BAZ2B: variants seen among roughly 807,000 people sequenced by gnomAD.
BAZ2B encodes the protein bromodomain adjacent to zinc finger domain 2B, also known as bromodomain adjacent to zinc finger domain protein 2B.
BAZ2B carries 91 observed loss-of-function variants against 246.0 expected under a neutral mutation model. The observed-to-expected ratio is 0.37, with a 90% CI of 0.31 to 0.44. The LOEUF (loss-of-function observed/expected upper bound fraction) is 0.44, where lower values mean the gene tolerates loss of function less well. Ranked by LOEUF, BAZ2B falls within the 20% of genes least tolerant of loss-of-function variation. The probability of loss-of-function intolerance (pLI) is 1.00; values close to 1 mark genes in which losing one functional copy is unlikely to be tolerated. For missense variants in BAZ2B, 2,332 were observed against 2,533.7 expected (o/e 0.92, Z 1.71); for synonymous variants, 855 against 860.0 (o/e 0.99, Z 0.10).
At chr2:159,315,505 TGG>T (rs2062022614), downstream of BAZ2B, among the ~76,000 whole-genome samples, 1 of 152,168 alleles carries the variant, frequency 6.6e-6, no homozygotes, top group African/African-American at 2.4e-5. Context: ...GGCACAGGGC[TGG>T]TAAGCTGGTG....
intron 1 of BAZ2B, among the ~76,000 whole-genome samples, chr2:159,572,994 T>A (rs1220550923): frequency 1.3e-5 from 2 of 151,452 alleles, no homozygotes; most frequent in East Asian, 1.9e-4. Flanking sequence ...TGCTGGAAAA[T>A]AAAAAGAAAT....
chr2:159,710,883 T>C, the BAZ2B span: 1 of 152,332 alleles, frequency 6.6e-6, no homozygotes, highest in South Asian at 2.1e-4. Context: ...CTTGAGAAGA[T>C]GTCTAAGAGA....
In BAZ2B at chr2:159,404,834, A is replaced by T. The variant is rs774830673; in HGVS notation, c.2832+15T>A. The stretch of plus-strand genomic sequence containing the variant: ...GTCCCATATTTTAAAAGTCACTTCC[A>T]ATGTATACACATACCTGCTGTTTCA... On this transcript the variant is annotated intron_variant, in intron 16 of 36. Transcript: ENST00000392783. The T allele has an allele frequency of 1.2e-6, 2 of 1,606,984 alleles. No individual in the cohort carries two copies. The highest frequency in any genetic ancestry group is 1.7e-6 in the Non-Finnish European group (2 of 1,176,112).
chr2:159,611,953 C>A (rs942954684), intron 1 of BAZ2B, among the ~76,000 whole-genome samples: 1 of 151,818 alleles, frequency 6.6e-6, no homozygotes, highest in Non-Finnish European at 1.5e-5. Flanking sequence ...TATGTAGGCA[C>A]CAATGGGATG....
the BAZ2B span, among the ~76,000 whole-genome samples, chr2:159,698,853 T>G: frequency 6.6e-6 from 1 of 152,236 alleles, no homozygotes; most frequent in Non-Finnish European, 1.5e-5. Context: ...CATAATTGAA[T>G]AGTAACTTGA....
chr2:159,385,293 A>T lies in BAZ2B; in HGVS notation c.3548T>A (p.Phe1183Tyr). 6.2e-7 allele frequency: 1 copy of T among 1,613,452 alleles called. No individual in the cohort carries two copies. The highest frequency in any genetic ancestry group is 1.1e-5 in the South Asian group (1 of 91,068). ...RDNVSEILQIFMEAHCGQTEL... is the reference protein window; with the variant it reads ...RDNVSEILQIYMEAHCGQTEL... The stretch of plus-strand genomic sequence containing the variant: ...AGTTTGTCCACAGTGGGCTTCCATA[A>T]ATATCTGTAAAATCTCGGAAACATT... Residue 1183 changes from phenylalanine to tyrosine, a missense_variant, in exon 23 of 37, where the codon TTT (phenylalanine) becomes TAT (tyrosine). Coordinates refer to ENST00000392783, the MANE Select transcript of BAZ2B (RefSeq NM_013450.4).
intron 16 of BAZ2B, among the ~76,000 whole-genome samples, chr2:159,403,418 G>T (rs942585752): frequency 1.3e-5 from 2 of 152,058 alleles, no homozygotes; most frequent in African/African-American, 4.8e-5. Context: ...AAGACTTTAG[G>T]ATCATAAAGC....
At position 159,337,028 on chromosome 2, in the gene BAZ2B, A is replaced by G; in HGVS notation, c.5710T>C (p.Ser1904Pro). ...ACCTGTGCAGCACTGCGAGCTTCTGATAATGCCCTTCTCCATACCCTGAGC... is the reference window on the plus strand; with the variant it reads ...ACCTGTGCAGCACTGCGAGCTTCTGGTAATGCCCTTCTCCATACCCTGAGC... ...PGLRVWRRAL[S>P]EARSAAQVAL... Residue 1904 changes from serine to proline, a missense_variant, in exon 33 of 37, where the codon TCA (serine) becomes CCA (proline). Ser to Pro is a moderately conservative substitution (Grantham distance 74). Transcript: ENST00000392783. 6.2e-7 allele frequency: 1 copy of G among 1,612,762 alleles called. No homozygotes were observed. Among genetic ancestry groups the G allele is most frequent in the Non-Finnish European group, 8.5e-7 (1 of 1,178,758 alleles).
chr2:159,418,849 T>C (rs897696981), intron 13 of BAZ2B, among the ~76,000 whole-genome samples: 2 of 152,118 alleles, frequency 1.3e-5, no homozygotes, highest in South Asian at 4.1e-4. Flanking sequence ...GTTATGTAAG[T>C]GAATGGAAGG....
intron 31 of BAZ2B, among the ~76,000 whole-genome samples, 186 bp downstream of exon 31, chr2:159,347,300 T>C (rs1289571968): frequency 6.6e-6 from 1 of 151,928 alleles, no homozygotes; most frequent in East Asian, 1.9e-4. Context: ...ATATGACCAT[T>C]GGCACATTAC....
the BAZ2B span, among the ~76,000 whole-genome samples, chr2:159,708,570 T>C: frequency 2.0e-5 from 1 of 50,508 alleles, no homozygotes; most frequent in Non-Finnish European, 4.3e-5. Flanking sequence ...TATTTATTTA[T>C]TTATTTATTT....
At chr2:159,636,476 T>C in the BAZ2B span, among the ~76,000 whole-genome samples, 1 of 152,122 alleles carries the variant, frequency 6.6e-6, no homozygotes, top group South Asian at 2.1e-4. Flanking sequence ...GAGGGGGCTT[T>C]TGGACTACAG....
intron 17 of BAZ2B, 119 bp from the exon 18 acceptor site, chr2:159,399,013 T>G: frequency 1.3e-6 from 1 of 761,056 alleles, no homozygotes; most frequent in Non-Finnish European, 2.0e-6. Context: ...GTAACACATA[T>G]GTAGACAATT....
At position 159,432,879 on chromosome 2, in the gene BAZ2B, C is replaced by A; in HGVS notation, c.1778G>T (p.Gly593Val). The A allele has an allele frequency of 1.2e-6, 2 of 1,614,066 alleles. No homozygotes were observed. The highest frequency in any genetic ancestry group is 1.7e-6 in the Non-Finnish European group (2 of 1,180,012). The change falls in exon 9 of 37, where the codon GGA becomes GTA. Residue 593 changes from glycine to valine, a missense_variant. This residue lies in a region of BAZ2B where 651 missense variants were observed against 650.9 expected (regional missense o/e 1.00). Transcript: ENST00000392783. ...ACTACTGGGAATGTCTGAATCTGTT[C>A]CTCTGAATTGTTCCACTAAAGATTT... Reference protein sequence around the residue: ...PAKSLVEQFRGTDSDIPSSKD... With the variant: ...PAKSLVEQFRVTDSDIPSSKD...
chr2:159,688,693 T>C, the BAZ2B span, among the ~76,000 whole-genome samples: 1 of 152,218 alleles, frequency 6.6e-6, no homozygotes, highest in African/African-American at 2.4e-5. Context: ...TTGTCATACC[T>C]CTTTGGACTT....
At chr2:159,699,813 A>C in the BAZ2B span, among the ~76,000 whole-genome samples, 1 of 152,138 alleles carries the variant, frequency 6.6e-6, no homozygotes, top group Non-Finnish European at 1.5e-5. Flanking sequence ...CAACTCCTAG[A>C]ACTTTATCTA....
intron 2 of BAZ2B, among the ~76,000 whole-genome samples, chr2:159,523,492 T>C (rs2151275711): frequency 6.6e-6 from 1 of 151,848 alleles, no homozygotes; most frequent in East Asian, 2.0e-4. Context: ...GATCACAAGA[T>C]CAGGAGTTCG....
chr2:159,358,332 A>G (rs1229229209), intron 27 of BAZ2B, among the ~76,000 whole-genome samples: 3 of 152,102 alleles, frequency 2.0e-5, no homozygotes, highest in Non-Finnish European at 4.4e-5. Context: ...GATAAAACAG[A>G]CTTTAAACCA....
At chr2:159,481,672 T>C (rs1229207565) in intron 2 of BAZ2B, among the ~76,000 whole-genome samples, 1 of 151,856 alleles carries the variant, frequency 6.6e-6, no homozygotes, top group South Asian at 2.1e-4. Flanking sequence ...GTGGTATTCT[T>C]CCCAAAACTA....
Sources: allele counts gnomAD v4.1 joint callset (sites outside exome capture counted in the v4.1 genomes callset), GRCh38; gene constraint gnomAD v4.1.1; regional missense constraint gnomAD v4.1.1; transcripts MANE v1.5; gene names NCBI Gene and HGNC (gene_info 2026-07-23, HGNC 2026-07-21).